Variants in ARHGAP35 observed in about 807,000 individuals in gnomAD.
ARHGAP35 encodes Rho GTPase activating protein 35.
Under a neutral mutation model 111.1 loss-of-function variants are expected in ARHGAP35, and 15 were observed. That is an observed-to-expected ratio of 0.13 (90% CI 0.09 to 0.21). The LOEUF (loss-of-function observed/expected upper bound fraction) is 0.21. ARHGAP35 is among the 10% of genes least tolerant of loss of function. ARHGAP35 has a pLI of 1.00. For synonymous variants in ARHGAP35, 643 were observed against 710.3 expected (o/e 0.91, Z 1.51); for missense variants, 1,262 against 1,873.0 (o/e 0.67, Z 6.02).
intron 3 of ARHGAP35, chr19:46,948,076 AG>A (rs556302329): frequency 7.0e-4 from 107 of 152,274 alleles, no homozygotes; most frequent in African/African-American, 2.5e-3. Flanking sequence ...TCCTTCCCCC[AG>A]GGTATAGGGT....
At chr19:46,998,037 G>A (rs940980054) in intron 5 of ARHGAP35, among the ~76,000 whole-genome samples, 1 of 152,042 alleles carries the variant, frequency 6.6e-6, no homozygotes, top group African/African-American at 2.4e-5. Context: ...AGGAGGCGGA[G>A]CTTGCAGTGA....
intron 1 of ARHGAP35, among the ~76,000 whole-genome samples, chr19:46,862,872 C>T (rs192694527): frequency 6.6e-6 from 1 of 152,140 alleles, no homozygotes; most frequent in East Asian, 1.9e-4. Flanking sequence ...TGTTCTGCCT[C>T]TTGTCTTCTT....
chr19:46,999,862 T>A lies in ARHGAP35; in HGVS notation c.4142+453T>A. 1 of 213,816 alleles carries A rather than the reference T, an allele frequency of 4.7e-6. No individual in the cohort carries two copies. The highest frequency in any genetic ancestry group is 9.3e-6 in the Non-Finnish European group (1 of 107,830). The allele number at this position is 213,816 out of a possible 1,614,324, so 13.2% of individuals were successfully genotyped here. A position where few individuals can be genotyped will look rare whatever the true frequency, so the allele number is the denominator to read the frequency against. On this transcript the variant is annotated intron_variant, in intron 6 of 6. Transcript: ENST00000672722. This position sits in a 1 kb window ranked among gnomAD's most constrained non-coding sequence, Gnocchi z 5.4. Reference sequence around the variant, plus strand: ...CCGGGACACTGCACCTCGAGAGATGTGCTGCAGGAGACAGCCAGCCTCCGG... The same window carrying A: ...CCGGGACACTGCACCTCGAGAGATGAGCTGCAGGAGACAGCCAGCCTCCGG...
At chr19:46,869,671 G>C (rs567700545) in intron 1 of ARHGAP35, among the ~76,000 whole-genome samples, 1 of 152,114 alleles carries the variant, frequency 6.6e-6, no homozygotes, top group Non-Finnish European at 1.5e-5. Flanking sequence ...CAATTAAAAA[G>C]AGTTCTTTGT....
Position 46,920,777 on chromosome 19 carries a change from T to G in ARHGAP35, c.2102T>G (p.Ile701Ser), listed in dbSNP as rs1405475162. 1 of 1,609,012 alleles carries G rather than the reference T, an allele frequency of 6.2e-7. No individual in the cohort carries two copies. Among genetic ancestry groups the G allele is most frequent in the African/African-American group, 1.3e-5 (1 of 74,978 alleles). ...NHLVHLPLTLILVNKRGDTSG... is the reference protein window; with the variant it reads ...NHLVHLPLTLSLVNKRGDTSG... Reference sequence around the variant, plus strand: ...TTAGTCCATCTCCCCCTTACATTAATTTTGGTTAACAAGAGAGGAGACACC... The same window carrying G: ...TTAGTCCATCTCCCCCTTACATTAAGTTTGGTTAACAAGAGAGGAGACACC... Residue 701 changes from isoleucine to serine, a missense_variant, in exon 2 of 7, where the codon ATT becomes AGT. Transcript: ENST00000672722. This position sits in a 1 kb window ranked among gnomAD's most constrained non-coding sequence, Gnocchi z 7.0.
intron 1 of ARHGAP35, among the ~76,000 whole-genome samples, chr19:46,872,655 C>T (rs1287047452): frequency 3.9e-5 from 6 of 151,976 alleles, no homozygotes; most frequent in East Asian, 1.9e-4. Context: ...CCGAGGCGGG[C>T]GGATCACAAG....
chr19:46,928,032 T>C (rs1371283282), intron 2 of ARHGAP35, among the ~76,000 whole-genome samples: 3 of 152,148 alleles, frequency 2.0e-5, no homozygotes, highest in Admixed American at 2.0e-4. Context: ...TGTTTCTAGC[T>C]TCAGAGCCTA....
rs199618071 is a variant in ARHGAP35 at position 46,921,346 on chromosome 19, G to A, written c.2671G>A (p.Gly891Ser). 20 of 1,613,964 alleles carry A rather than the reference G, an allele frequency of 1.2e-5. No individual in the cohort carries two copies. The Admixed American group carries it at 2.3e-4, about 19-fold the overall frequency. ...TATTCAGCTTGTAGCACTCACTGAT[G>A]GCGCTGTAGATGTCCTGGACAATGA... ...IPIQLVALTD[G>S]AVDVLDNDLS... Residue 891 changes from glycine to serine, a missense_variant, in exon 2 of 7, where the codon GGC (glycine) becomes AGC (serine). Coordinates refer to ENST00000672722, the MANE Select transcript of ARHGAP35 (RefSeq NM_004491.5). This position sits in a 1 kb window ranked among gnomAD's most constrained non-coding sequence, Gnocchi z 4.3.
chr19:46,865,653 G>T (rs907548788), intron 1 of ARHGAP35, among the ~76,000 whole-genome samples: 1 of 152,130 alleles, frequency 6.6e-6, no homozygotes, highest in Non-Finnish European at 1.5e-5. Flanking sequence ...GAGGCGTCAG[G>T]TCAATATAGT....
chr19:46,973,085 G>A (rs1000341898), intron 3 of ARHGAP35, among the ~76,000 whole-genome samples: 1 of 152,090 alleles, frequency 6.6e-6, no homozygotes, highest in African/African-American at 2.4e-5. Context: ...GAGACAGGTC[G>A]GCTGCAGTGG....
intron 3 of ARHGAP35, among the ~76,000 whole-genome samples, chr19:46,958,203 G>A (rs1286875563): frequency 5.9e-5 from 9 of 152,056 alleles, no homozygotes; most frequent in African/African-American, 2.2e-4. Context: ...CTTACACGGT[G>A]AAACCCCGTC....
At chr19:46,979,155 T>C (rs2056606369) in intron 3 of ARHGAP35, among the ~76,000 whole-genome samples, 1 of 151,846 alleles carries the variant, frequency 6.6e-6, no homozygotes, top group African/African-American at 2.4e-5. Context: ...TCGCGGTCTG[T>C]TTCTTTGTTG....
intron 3 of ARHGAP35, among the ~76,000 whole-genome samples, chr19:46,957,319 G>A (rs2056445417): frequency 6.6e-6 from 1 of 152,068 alleles, no homozygotes; most frequent in Admixed American, 6.5e-5. Context: ...TTTTTAAAAA[G>A]TGTGATTTAA....
chr19:46,898,240 CAA>C (rs745892205), intron 1 of ARHGAP35, among the ~76,000 whole-genome samples: 4 of 66,450 alleles, frequency 6.0e-5, no homozygotes. Flanking sequence ...GACTCCGTCT[CAA>C]AAAAAAAAAA....
At chr19:46,864,377 C>T (rs1417817102) in intron 1 of ARHGAP35, among the ~76,000 whole-genome samples, 1 of 152,096 alleles carries the variant, frequency 6.6e-6, no homozygotes, top group Non-Finnish European at 1.5e-5. Context: ...TATTTTATTT[C>T]TTAAGTAAAT....
At chr19:46,879,850 C>T (rs1195006944) in intron 1 of ARHGAP35, among the ~76,000 whole-genome samples, 2 of 149,740 alleles carry the variant, frequency 1.3e-5, no homozygotes, top group East Asian at 3.9e-4. Context: ...CTTTGAGAGG[C>T]CAAGGTGGAC....
chr19:46,991,861 T>C (rs2056681116), intron 5 of ARHGAP35, among the ~76,000 whole-genome samples: 1 of 152,214 alleles, frequency 6.6e-6, no homozygotes. Flanking sequence ...TACATCAACT[T>C]GACCAGTTCT....
chr19:46,861,846 C>G (rs567358648), intron 1 of ARHGAP35, among the ~76,000 whole-genome samples: 1 of 152,066 alleles, frequency 6.6e-6, no homozygotes, highest in Non-Finnish European at 1.5e-5. Flanking sequence ...ATCTGAGACC[C>G]CTGTTCGGCC....
rs939968164 is a variant in ARHGAP35, at chr19:46,986,778, T to G, written c.3827-1211T>G. 1.3e-5 allele frequency among the ~76,000 whole-genome samples: 2 copies of G among 152,232 alleles called. No homozygotes were observed. Among genetic ancestry groups the G allele is most frequent in the African/African-American group, 4.8e-5 (2 of 41,462 alleles). On this transcript the variant is annotated intron_variant, in intron 3 of 6. Coordinates refer to ENST00000672722, the MANE Select transcript of ARHGAP35 (RefSeq NM_004491.5). The surrounding 1 kb of genome is among the most constrained non-coding windows in gnomAD (Gnocchi z 4.3). ...AGAAATACCTATTTCCAGTAATCTG[T>G]TAAGCTTTTACTAGTTGTCAAAAAA...
Sources: allele counts gnomAD v4.1 joint callset (sites outside exome capture counted in the v4.1 genomes callset), GRCh38; gene constraint gnomAD v4.1.1; non-coding constraint Gnocchi (gnomAD v3.1); transcripts MANE v1.5; gene names NCBI Gene and HGNC (gene_info 2026-07-23, HGNC 2026-07-21).